ACSS2: variants seen among roughly 807,000 people sequenced by gnomAD.
ACSS2 encodes acetyl-coenzyme A synthetase, cytoplasmic.
In ACSS2, 58 loss-of-function variants were observed where a neutral mutation model predicts 90.6. That is an observed-to-expected ratio of 0.64 (90% confidence interval 0.52 to 0.80). The LOEUF (loss-of-function observed/expected upper bound fraction) is 0.80, where lower values mean the gene tolerates loss of function less well. ACSS2 is among the 30% of genes least tolerant of loss of function. The pLI is 0.00. For missense variants in ACSS2, 759 were observed against 912.0 expected (o/e 0.83, Z 2.16); for synonymous variants, 300 against 330.9 (o/e 0.91, Z 1.01).
chr20:34,904,394 G>C (rs2080747088), intron 2 of ACSS2, among the ~76,000 whole-genome samples: 1 of 152,104 alleles, frequency 6.6e-6, no homozygotes, highest in African/African-American at 2.4e-5. Context: ...TGGTGCTTTT[G>C]CCAAACACTG....
Position 34,876,788 on chromosome 20 carries a change from G to C in ACSS2, c.143G>C (p.Arg48Pro), listed in dbSNP as rs2079923282. The change falls in exon 1 of 18, where the codon CGC becomes CCC. Residue 48 changes from arginine to proline, a missense_variant. Physicochemically the swap from Arg to Pro is moderately radical, Grantham distance 103. Transcript: ENST00000360596. ...SAHVPSLQRY[R>P]ELHRRSVEEP... ...CACGTCCCCTCGCTGCAGCGCTACC[G>C]CGAGCTGCACCGGCGCTCCGTGGAG... 7.4e-7 allele frequency: 1 copy of C among 1,353,166 alleles called. No homozygotes were observed. Among genetic ancestry groups the C allele is most frequent in the Non-Finnish European group, 9.6e-7 (1 of 1,045,904 alleles). 83.8% of individuals were successfully genotyped at this position (1,353,166 alleles called of 1,614,324 possible). A position where few individuals can be genotyped will look rare whatever the true frequency, so the allele number is the denominator to read the frequency against.
intron 2 of ACSS2, chr20:34,893,673 C>T (rs1241355630): frequency 2.0e-5 from 3 of 151,854 alleles, no homozygotes; most frequent in South Asian, 4.2e-4. Flanking sequence ...AGACGTGAGC[C>T]GTTGTGCCTG....
chr20:34,876,434 T>G (rs1205133298), upstream of ACSS2: 1 of 440,922 alleles, frequency 2.3e-6, no homozygotes, highest in African/African-American at 2.1e-5. Context: ...CGACTTTTCC[T>G]TATAGTATTT....
intron 1 of ACSS2, among the ~76,000 whole-genome samples, chr20:34,879,030 G>T (rs947180229): frequency 1.3e-5 from 2 of 148,568 alleles, no homozygotes; most frequent in East Asian, 4.0e-4. Flanking sequence ...TCAGCCTCCC[G>T]AGTAGCTGGG....
chr20:34,890,892 A>G (rs2080317524), intron 2 of ACSS2, among the ~76,000 whole-genome samples: 1 of 149,018 alleles, frequency 6.7e-6, no homozygotes. Context: ...CCATAGTATG[A>G]TATTTGGAGC....
chr20:34,892,091 C>T (rs961384931), intron 2 of ACSS2, among the ~76,000 whole-genome samples: 2 of 152,168 alleles, frequency 1.3e-5, no homozygotes, highest in African/African-American at 4.8e-5. Context: ...TTTTAAGTTA[C>T]TTCTGGCACT....
Position 34,921,067 on chromosome 20 carries a change from A to G in ACSS2, c.1205A>G (p.Lys402Arg), listed in dbSNP as rs2081185754. ...CTGTGGAGCATTGTGGACAAATACAAGGTGACCAAGTTCTACACAGCACCC... is the reference window on the plus strand; with the variant it reads ...CTGTGGAGCATTGTGGACAAATACAGGGTGACCAAGTTCTACACAGCACCC... ...NRLWSIVDKY[K>R]VTKFYTAPTA... Residue 402 changes from lysine to arginine, a missense_variant, in exon 10 of 18, where the codon AAG becomes AGG. By Grantham distance (26) the Lys-to-Arg change is conservative. Transcript: ENST00000360596. 3 of 1,613,510 alleles carry G rather than the reference A, an allele frequency of 1.9e-6. No individual in the cohort carries two copies. Among genetic ancestry groups the G allele is most frequent in the Non-Finnish European group, 2.5e-6 (3 of 1,179,884 alleles).
intron 2 of ACSS2, among the ~76,000 whole-genome samples, chr20:34,899,423 T>TTTCTCTTTCCTTCC (rs1491564858): frequency 2.7e-5 from 3 of 113,024 alleles, no homozygotes; most frequent in African/African-American, 1.1e-4. Context: ...TCTTTCTTTC[T>TTTCTCTTTCCTTCC]TTCCTTCCTT....
intron 2 of ACSS2, among the ~76,000 whole-genome samples, chr20:34,884,517 G>T (rs1431954367): frequency 6.6e-6 from 1 of 152,188 alleles, no homozygotes; most frequent in African/African-American, 2.4e-5. Context: ...TCTCTAGATT[G>T]TTGTAAGAAT....
In ACSS2 at chr20:34,921,140, GTGAGA is replaced by G. The variant is rs2081187114; in HGVS notation, c.1277+2_1277+6del. ...AGTTTGGAGATGAGCCTGTCACCAA[GTGAGA>G]CCTCTTCCCAGTTGCTGCCCTGTGG... On this transcript the variant is annotated splice_donor_variant and splice_donor_5th_base_variant and intron_variant, in intron 10 of 17. Coordinates refer to ENST00000360596, the MANE Select transcript of ACSS2 (RefSeq NM_018677.4). LOFTEE classifies it high-confidence loss of function. The G allele has an allele frequency of 6.2e-7, 1 of 1,614,094 alleles. No homozygotes were observed. Among genetic ancestry groups the G allele is most frequent in the Admixed American group, 1.7e-5 (1 of 60,006 alleles).
In ACSS2 at chr20:34,927,139, C is replaced by T. The variant is rs771808242; in HGVS notation, c.2031C>T (p.Leu677=). ...LRKIAQNDHD[L]GDMSTVADPS... ...AGATTGCTCAGAATGACCATGACCT[C>T]GGGGACATGTCTACTGTGGCTGACC... The change falls in exon 18 of 18, where the codon CTC becomes CTT. Residue 677 remains leucine (L), a synonymous_variant. Coordinates refer to ENST00000360596, the MANE Select transcript of ACSS2 (RefSeq NM_018677.4). This position sits in a 1 kb window ranked among gnomAD's most constrained non-coding sequence, Gnocchi z 4.2. 5.0e-6 allele frequency: 8 copies of T among 1,614,116 alleles called. No homozygotes were observed. The highest frequency in any genetic ancestry group is 4.4e-5 in the South Asian group (4 of 91,084).
chr20:34,876,489 G>A, upstream of ACSS2: 1 of 602,348 alleles, frequency 1.7e-6, no homozygotes. Context: ...ACACGGCCCC[G>A]CCCCCTCTGG....
chr20:34,920,385 G>T (rs2147095882), intron 8 of ACSS2, 154 bp from the exon 9 acceptor site: 2 of 671,660 alleles, frequency 3.0e-6, no homozygotes, highest in East Asian at 5.4e-5. Context: ...GGAGCATGGA[G>T]AAAAGGAGAT....
At chr20:34,893,125 ATC>A (rs140565845) in intron 2 of ACSS2, among the ~76,000 whole-genome samples, 1,677 of 152,088 alleles carry the variant, frequency 0.011, 33 homozygotes, top group African/African-American at 0.036. Context: ...TCAGTTTATA[ATC>A]TCTCATAATA....
At position 34,876,654 on chromosome 20, in the gene ACSS2, T is replaced by C; in HGVS notation, c.9T>C (p.Leu3=). 2 of 1,383,616 alleles carry C rather than the reference T, an allele frequency of 1.4e-6. No homozygotes were observed. The highest frequency in any genetic ancestry group is 2.5e-4 in the Middle Eastern group (1 of 4,040). 85.7% of individuals were successfully genotyped at this position (1,383,616 alleles called of 1,614,324 possible). Reference sequence around the variant, plus strand: ...TCTAGGAACTTGACGTGATGGGGCTTCCTGAGGAGCGGGTCCGGAGCGGCA... The same window carrying C: ...TCTAGGAACTTGACGTGATGGGGCTCCCTGAGGAGCGGGTCCGGAGCGGCA... MG[L]PEERVRSGSG... The change falls in exon 1 of 18, where the codon CTT becomes CTC. Residue 3 remains leucine (L), a synonymous_variant. Transcript: ENST00000360596.
chr20:34,889,157 C>T (rs2080271301), intron 2 of ACSS2, among the ~76,000 whole-genome samples: 2 of 151,912 alleles, frequency 1.3e-5, no homozygotes, highest in African/African-American at 4.8e-5. Flanking sequence ...GAGTCTCGCT[C>T]TGTTGCCCAG....
intron 2 of ACSS2, among the ~76,000 whole-genome samples, chr20:34,902,003 A>G (rs529067316): frequency 6.6e-6 from 1 of 152,240 alleles, no homozygotes; most frequent in Non-Finnish European, 1.5e-5. Flanking sequence ...AGTGCCTTCC[A>G]TCTTTGGACA....
rs201041169 is a variant in ACSS2 at position 34,914,367 on chromosome 20, G to A, written c.764G>A (p.Arg255Gln). The change falls in exon 7 of 18, where the codon CGG becomes CAG. Residue 255 changes from arginine to glutamine, a missense_variant. Physicochemically the swap from Arg to Gln is conservative, Grantham distance 43. Transcript: ENST00000360596. ...TGCATTGTGGTCAAGCACCTGGGGCGGGCAGAGCTCGGCATGGGTGACTCC... is the reference window on the plus strand; with the variant it reads ...TGCATTGTGGTCAAGCACCTGGGGCAGGCAGAGCTCGGCATGGGTGACTCC... Reference protein sequence around the residue: ...RCCIVVKHLGRAELGMGDSTS... With the variant: ...RCCIVVKHLGQAELGMGDSTS... The A allele has an allele frequency of 1.1e-4, 179 of 1,613,786 alleles. 1 individual carries two copies. The highest frequency in any genetic ancestry group is 3.3e-4 in the Middle Eastern group (2 of 6,078).
Position 34,921,136 on chromosome 20 carries a change from C to T in ACSS2, c.1274C>T (p.Thr425Ile), listed in dbSNP as rs748416233. 2.5e-6 allele frequency: 4 copies of T among 1,614,166 alleles called. No individual in the cohort carries two copies. In the South Asian group the frequency reaches 4.4e-5, roughly 18 times the overall value. Residue 425 changes from threonine (T) to isoleucine (I), a missense_variant, in exon 10 of 18, where the codon ACC becomes ATC. Physicochemically the swap from Thr to Ile is moderately conservative, Grantham distance 89 (BLOSUM62 -1). Transcript: ENST00000360596. The stretch of plus-strand genomic sequence containing the variant: ...ATGAAGTTTGGAGATGAGCCTGTCA[C>T]CAAGTGAGACCTCTTCCCAGTTGCT... ...LLMKFGDEPV[T>I]KHSRASLQVL...
Sources: allele counts gnomAD v4.1 joint callset (sites outside exome capture counted in the v4.1 genomes callset), GRCh38; gene constraint gnomAD v4.1.1; non-coding constraint Gnocchi (gnomAD v3.1); transcripts MANE v1.5; gene names NCBI Gene and HGNC (gene_info 2026-07-23, HGNC 2026-07-21).